The following CHD2 variants were observed in gnomAD, a reference collection of about 807,000 sequenced individuals.
The protein encoded by CHD2 is ATP-dependent chromatin remodeler CHD2.
CHD2 carries 28 observed loss-of-function variants against 243.9 expected under a neutral mutation model. The ratio of observed to expected loss-of-function variants is 0.11; its 90% CI spans 0.09 to 0.16. CHD2 has a LOEUF of 0.16. CHD2 is among the 10% of genes least tolerant of loss of function. The pLI, the probability that CHD2 is intolerant of heterozygous loss-of-function variation, is 1.00. For synonymous variants in CHD2, 775 were observed against 779.0 expected (o/e 0.99, Z 0.09); for missense variants, 1,386 against 2,209.8 (o/e 0.63, Z 7.47).
intron 26 of CHD2, among the ~76,000 whole-genome samples, chr15:92,987,685 T>G (rs182751142): frequency 6.6e-5 from 10 of 152,190 alleles, no homozygotes; most frequent in Admixed American, 3.3e-4. Context: ...TTTTTTTTGA[T>G]TGCAGTATTT....
chr15:93,001,537 G>A (rs535016952), intron 32 of CHD2, among the ~76,000 whole-genome samples: 6 of 152,254 alleles, frequency 3.9e-5, no homozygotes, highest in African/African-American at 1.4e-4. Flanking sequence ...TGCTTTTTGA[G>A]ATGGAGTCTT....
chr15:92,977,970 G>A (rs1016250467), intron 20 of CHD2, among the ~76,000 whole-genome samples: 8 of 152,032 alleles, frequency 5.3e-5, no homozygotes, highest in East Asian at 1.9e-4. Context: ...AGTTGTAGCC[G>A]GGAGGTAGCA....
At chr15:92,943,252 T>C (rs879813544) in intron 9 of CHD2, 184 bp downstream of exon 9, 6 of 585,918 alleles carry the variant, frequency 1.0e-5, no homozygotes, top group Non-Finnish European at 1.8e-5. Flanking sequence ...TTTTTATATG[T>C]GGCTACCAAG....
rs1567130860 is a variant in CHD2, at chr15:92,933,042, C to CTTTT, written c.443+3951_443+3952insTTTT. 9.9e-5 allele frequency among the ~76,000 whole-genome samples: 14 copies of CTTTT among 141,818 alleles called. No homozygotes were observed. In the East Asian group the frequency reaches 1.2e-3, roughly 12 times the overall value. 93.0% of individuals were successfully genotyped at this position (141,818 alleles called of 152,430 possible). A position where few individuals can be genotyped will look rare whatever the true frequency, so the allele number is the denominator to read the frequency against. ...ATAAGATGAGCCACCGCGCCCGGCC[C>CTTTT]CTTTTTTTTTTTTTTTTTAAGTTAA... On this transcript the variant is annotated intron_variant, in intron 5 of 38. Transcript: ENST00000394196.
At chr15:93,005,841 C>A (rs2054313513) in intron 34 of CHD2, among the ~76,000 whole-genome samples, 1 of 152,164 alleles carries the variant, frequency 6.6e-6, no homozygotes, top group Admixed American at 6.5e-5. Flanking sequence ...GCTAACCAAT[C>A]TGTTTCCTAG....
intron 19 of CHD2, 47 bp downstream of exon 19, chr15:92,972,464 C>T (rs1259099251): frequency 6.7e-7 from 1 of 1,503,616 alleles, no homozygotes; most frequent in Non-Finnish European, 9.0e-7. Flanking sequence ...ATCTCTCTCT[C>T]CGCCTCCCCT....
At position 92,939,626 on chromosome 15, in the gene CHD2, A is replaced by G. The variant is rs1057522302; in HGVS notation, c.600A>G (p.Gly200=). Residue 200 remains glycine, a synonymous_variant, in exon 7 of 39, where the codon GGA becomes GGG. Transcript: ENST00000394196. ...AAAAGCAGCCGAAGACTCAGCGTGG[A>G]AAGAGAAAAAAGCAAGATTCTTCTG... The part of the protein sequence containing the change: ...RVKKQPKTQR[G]KRKKQDSSDE... 11 of 1,614,088 alleles carry G rather than the reference A, an allele frequency of 6.8e-6. No individual in the cohort carries two copies. Among genetic ancestry groups the G allele is most frequent in the Non-Finnish European group, 9.3e-6 (11 of 1,180,034 alleles).
At chr15:93,022,961 C>T (rs573203946) in intron 38 of CHD2, among the ~76,000 whole-genome samples, 1 of 152,324 alleles carries the variant, frequency 6.6e-6, no homozygotes, top group Non-Finnish European at 1.5e-5. Context: ...TAAATCTAGT[C>T]CCTGTTATTC....
intron 17 of CHD2, among the ~76,000 whole-genome samples, chr15:92,970,598 C>T (rs1473819599): frequency 2.0e-5 from 3 of 152,164 alleles, no homozygotes; most frequent in African/African-American, 7.2e-5. Flanking sequence ...TGAATATCCT[C>T]CTTTCTCTTA....
chr15:92,973,524 C>A (rs2141837639), intron 19 of CHD2, among the ~76,000 whole-genome samples: 1 of 152,142 alleles, frequency 6.6e-6, no homozygotes, highest in African/African-American at 2.4e-5. Flanking sequence ...CTAAGAAGGC[C>A]CACCTTTGAG....
intron 21 of CHD2, 42 bp downstream of exon 21, chr15:92,978,425 G>T: frequency 1.3e-6 from 2 of 1,590,238 alleles, no homozygotes; most frequent in Non-Finnish European, 1.7e-6. Flanking sequence ...TAGGGTTGGG[G>T]GCCAGGGGGC....
In CHD2 at chr15:92,956,590, C is replaced by T; in HGVS notation, c.1941C>T (p.Thr647=). ...ACCATAGGCTCCTGATTACGGGGAC[C>T]CCTCTTCAGAATTCCCTCAAAGAGC... ...KSNHRLLITG[T]PLQNSLKELW... The change falls in exon 16 of 39, where the codon ACC becomes ACT. Residue 647 remains threonine, a synonymous_variant. Transcript: ENST00000394196. The T allele has an allele frequency of 6.2e-7, 1 of 1,613,934 alleles. No homozygotes were observed. Among genetic ancestry groups the T allele is most frequent in the Non-Finnish European group, 8.5e-7 (1 of 1,179,892 alleles).
intron 9 of CHD2, chr15:92,943,860 T>C (rs1292623456): frequency 2.0e-5 from 3 of 152,312 alleles, no homozygotes; most frequent in Non-Finnish European, 2.9e-5. Context: ...GTAAATTACA[T>C]GTTTTTTCTT....
chr15:92,924,218 TA>T, intron 2 of CHD2, 102 bp from the exon 3 acceptor site: 1 of 961,480 alleles, frequency 1.0e-6, no homozygotes, highest in Non-Finnish European at 1.5e-6. Context: ...CTTATATTAC[TA>T]AAATTACTAT....
chr15:92,938,609 C>CA (rs2053306548), intron 6 of CHD2, among the ~76,000 whole-genome samples: 1 of 152,178 alleles, frequency 6.6e-6, no homozygotes, highest in Non-Finnish European at 1.5e-5. Flanking sequence ...TCAGAACTGT[C>CA]ACGCCAGTTC....
chr15:92,909,446 C>G (rs943101615), intron 2 of CHD2, among the ~76,000 whole-genome samples: 1 of 152,160 alleles, frequency 6.6e-6, no homozygotes, highest in Non-Finnish European at 1.5e-5. Context: ...CTAGCAGTGC[C>G]TGCTAGCTGG....
At chr15:93,018,645 G>A (rs1489660758) in intron 37 of CHD2, among the ~76,000 whole-genome samples, 1 of 152,152 alleles carries the variant, frequency 6.6e-6, no homozygotes, top group Non-Finnish European at 1.5e-5. Context: ...GTGTCAGCAG[G>A]GTTGGTTCCT....
rs1331350556 is a variant in CHD2 at position 92,944,527 on chromosome 15, G to T, written c.1153+12G>T. The stretch of plus-strand genomic sequence containing the variant: ...AGAAAGAGTAATAGGTAAGTACATG[G>T]TAACTCACTTCAGCCATATTTGAAC... On this transcript the variant is annotated intron_variant, in intron 10 of 38. Transcript: ENST00000394196. 1 of 1,362,444 alleles carries T rather than the reference G, an allele frequency of 7.3e-7. No homozygotes were observed. The highest frequency in any genetic ancestry group is 1.3e-5 in the South Asian group (1 of 74,682). The allele number at this position is 1,362,444 out of a possible 1,614,324, so 84.4% of individuals were successfully genotyped here.
At position 93,009,163 on chromosome 15, in the gene CHD2, C is replaced by T; in HGVS notation, c.4432C>T (p.Pro1478Ser). ...GTTGCAGTGTAAGGAGAGGATGAGG[C>T]CCGTGAAAAAGGCACTGAAACAGCT... is the stretch of plus-strand genomic sequence containing the variant. ...TFSICKERMR[P>S]VKKALKQLDK... is the part of the protein sequence containing the mutation. Residue 1478 changes from proline (P) to serine (S), a missense_variant, in exon 35 of 39, where the codon CCC (proline) becomes TCC (serine). Physicochemically the swap from Pro to Ser is moderately conservative, Grantham distance 74. This residue lies in a region of CHD2 where 22 missense variants were observed against 60.2 expected (regional missense o/e 0.37). Transcript: ENST00000394196. 6.2e-7 allele frequency: 1 copy of T among 1,614,080 alleles called. No homozygotes were observed. The highest frequency in any genetic ancestry group is 2.2e-5 in the East Asian group (1 of 44,884).
Sources: allele counts gnomAD v4.1 joint callset (sites outside exome capture counted in the v4.1 genomes callset), GRCh38; gene constraint gnomAD v4.1.1; regional missense constraint gnomAD v4.1.1; transcripts MANE v1.5; gene names NCBI Gene and HGNC (gene_info 2026-07-23, HGNC 2026-07-21).